LMLN: variants seen among roughly 807,000 people sequenced by gnomAD.
LMLN encodes leishmanolysin-like peptidase.
In LMLN, 70 loss-of-function variants were observed where a neutral mutation model predicts 92.3. The ratio of observed to expected loss-of-function variants is 0.76; its 90% CI spans 0.63 to 0.92. The LOEUF is 0.92. Among genes scored for constraint, LMLN ranks in the 40% least tolerant of loss-of-function variants. The pLI is 0.00. For missense variants in LMLN, 691 were observed against 814.6 expected (o/e 0.85, Z 1.85); for synonymous variants, 308 against 296.2 (o/e 1.04, Z -0.41).
intron 10 of LMLN, 186 bp downstream of exon 10, chr3:197,996,468 T>C: frequency 2.3e-6 from 1 of 436,232 alleles, no homozygotes; most frequent in African/African-American, 2.0e-5. Flanking sequence ...ATAAATGTTA[T>C]ATATGTATGT....
chr3:198,021,343 G>C (rs1050944006), intron 12 of LMLN, 103 bp from the exon 14 acceptor site: 1 of 907,512 alleles, frequency 1.1e-6, no homozygotes. Flanking sequence ...TTAGTATCTT[G>C]TGTTATGTGG....
chr3:198,022,826 T>G (rs1210083564), intron 13 of LMLN, among the ~76,000 whole-genome samples: 2 of 152,288 alleles, frequency 1.3e-5, no homozygotes, highest in East Asian at 3.9e-4. Flanking sequence ...GCCCCTGCAC[T>G]CCAGCCTGGG....
chr3:198,009,782 C>G lies in LMLN; in HGVS notation c.1233-9471C>G, dbSNP rs571946737. Among the ~76,000 whole-genome samples, 5 of 152,080 alleles carry G rather than the reference C, an allele frequency of 3.3e-5. No homozygotes were observed. The South Asian group carries it at 1.0e-3, about 32-fold the overall frequency. Reference sequence around the variant, plus strand: ...GTGTATAGGGTTTTTTGTAGTATTCCATTATTATTCTTTTGACATCTGTAG... The same window carrying G: ...GTGTATAGGGTTTTTTGTAGTATTCGATTATTATTCTTTTGACATCTGTAG... On this transcript the variant is annotated intron_variant, in intron 11 of 15. Transcript: ENST00000330198.
intron 11 of LMLN, among the ~76,000 whole-genome samples, chr3:198,008,898 A>G (rs1722363102): frequency 6.6e-6 from 1 of 152,210 alleles, no homozygotes; most frequent in African/African-American, 2.4e-5. Flanking sequence ...TGACCACTGT[A>G]TAATTTAGAA....
chr3:197,973,915 C>A (rs1391098672), intron 1 of LMLN, among the ~76,000 whole-genome samples: 1 of 152,144 alleles, frequency 6.6e-6, no homozygotes, highest in Non-Finnish European at 1.5e-5. Flanking sequence ...TTCTTGACTT[C>A]TTTTATTCAT....
intron 13 of LMLN, among the ~76,000 whole-genome samples, chr3:198,023,088 A>G (rs1722825816): frequency 6.6e-6 from 1 of 152,172 alleles, no homozygotes; most frequent in Non-Finnish European, 1.5e-5. Flanking sequence ...GATTCAGCTC[A>G]GCCGTTACCG....
At chr3:197,977,683 G>A (rs907409973) in intron 5 of LMLN, among the ~76,000 whole-genome samples, 1 of 150,556 alleles carries the variant, frequency 6.6e-6, no homozygotes, top group Non-Finnish European at 1.5e-5. Flanking sequence ...GTATACACAC[G>A]TTAAATCTGG....
intron 8 of LMLN, 69 bp downstream of exon 8, chr3:197,985,959 C>G: frequency 1.1e-6 from 1 of 944,878 alleles, no homozygotes; most frequent in South Asian, 1.3e-5. Flanking sequence ...CTGAGAATCA[C>G]AGTATATTAG....
intron 13 of LMLN, among the ~76,000 whole-genome samples, chr3:198,022,594 G>A (rs747969490): frequency 4.6e-5 from 7 of 152,312 alleles, no homozygotes; most frequent in Admixed American, 3.9e-4. Flanking sequence ...AGTGGCTCAC[G>A]CCTGTAATCG....
rs1298639909 is a variant in LMLN at position 197,981,929 on chromosome 3, C to T, written c.728+1425C>T. 5.9e-5 allele frequency among the ~76,000 whole-genome samples: 9 copies of T among 151,904 alleles called. No homozygotes were observed. The East Asian group carries it at 9.8e-4, about 16-fold the overall frequency. ...AAGCGATTCTCCTGCCTCAGCTTCC[C>T]AAGTAGCTGGAACTACAGGTGTGCG... On this transcript the variant is annotated intron_variant, in intron 6 of 15. Transcript: ENST00000330198.
chr3:197,981,016 T>C (rs1211296356), intron 6 of LMLN, among the ~76,000 whole-genome samples: 1 of 152,086 alleles, frequency 6.6e-6, no homozygotes, highest in African/African-American at 2.4e-5. Context: ...GGTGGGAGGA[T>C]TGCTTGAGCC....
intron 14 of LMLN, among the ~76,000 whole-genome samples, chr3:198,026,776 G>C (rs1245883058): frequency 6.6e-6 from 1 of 152,100 alleles, no homozygotes; most frequent in Non-Finnish European, 1.5e-5. Context: ...TTTTGGTGGA[G>C]TGTTTGGTGT....
intron 11 of LMLN, among the ~76,000 whole-genome samples, chr3:198,001,900 A>G (rs999154999): frequency 6.6e-6 from 1 of 151,814 alleles, no homozygotes; most frequent in Non-Finnish European, 1.5e-5. Flanking sequence ...TGATCCACCC[A>G]CCTTGGCCTC....
At chr3:198,016,468 A>G (rs1288634731) in intron 11 of LMLN, among the ~76,000 whole-genome samples, 1 of 152,068 alleles carries the variant, frequency 6.6e-6, no homozygotes, top group Non-Finnish European at 1.5e-5. Context: ...AACTCTCCAT[A>G]CCCCAGTTAC....
At chr3:197,980,543 G>C (rs1482221073) in intron 6 of LMLN, 39 bp downstream of exon 6, 1 of 1,571,112 alleles carries the variant, frequency 6.4e-7, no homozygotes, top group Admixed American at 1.8e-5. Context: ...AAGATCTAAT[G>C]TGGGAACTCT....
At chr3:198,037,379 G>C (rs573024044) in intron 15 of LMLN, among the ~76,000 whole-genome samples, 2 of 152,184 alleles carry the variant, frequency 1.3e-5, no homozygotes, top group Non-Finnish European at 2.9e-5. Context: ...CAATCATAAT[G>C]ACACAATTAA....
intron 7 of LMLN, among the ~76,000 whole-genome samples, chr3:197,984,911 A>G (rs1721660021): frequency 6.6e-6 from 1 of 151,928 alleles, no homozygotes; most frequent in Admixed American, 6.6e-5. Flanking sequence ...TCCCGGGCTC[A>G]AGTGATCCCC....
At chr3:197,982,083 G>C (rs1721573970) in intron 6 of LMLN, among the ~76,000 whole-genome samples, 1 of 152,046 alleles carries the variant, frequency 6.6e-6, no homozygotes, top group Non-Finnish European at 1.5e-5. Flanking sequence ...TAGGATTACA[G>C]GTGTGAGCCA....
chr3:198,029,396 G>C (rs904517528), intron 14 of LMLN, among the ~76,000 whole-genome samples: 1 of 152,126 alleles, frequency 6.6e-6, no homozygotes, highest in Admixed American at 6.5e-5. Flanking sequence ...ACAGCCTCAG[G>C]CCAGGCGCTG....
Sources: gnomAD v4.1 joint callset for allele counts (sites outside exome capture counted in the v4.1 genomes callset) on GRCh38, gnomAD v4.1.1 for gene constraint, MANE v1.5 for transcripts, NCBI Gene and HGNC (gene_info 2026-07-23, HGNC 2026-07-21) for gene names.